RSF1: variants seen among roughly 807,000 people sequenced by gnomAD.
RSF1 encodes the protein HBV pX-associated protein 8.
RSF1 carries 13 observed loss-of-function variants against 145.2 expected under a neutral mutation model. The ratio of observed to expected loss-of-function variants is 0.09; its 90% CI spans 0.06 to 0.14. The LOEUF is 0.14. Among genes scored for constraint, RSF1 ranks in the 10% least tolerant of loss-of-function variants. RSF1 has a pLI of 1.00. For missense variants in RSF1, 1,517 were observed against 1,718.2 expected, an observed-to-expected ratio of 0.88 and a Z score of 2.07; for synonymous variants, 577 against 592.6, an observed-to-expected ratio of 0.97 and a Z score of 0.38.
chr11:77,681,988 T>C (rs974673139), intron 11 of RSF1, among the ~76,000 whole-genome samples: 1 of 152,216 alleles, frequency 6.6e-6, no homozygotes, highest in Non-Finnish European at 1.5e-5. Context: ...TCTAACCCCA[T>C]ATTTTCCATA....
intron 15 of RSF1, among the ~76,000 whole-genome samples, chr11:77,671,140 T>A (rs11237266): frequency 0.044 from 374 of 8,552 alleles, 20 homozygotes; most frequent in African/African-American, 0.097. Context: ...AAAAAAAAAA[T>A]ATATATATAT....
chr11:77,848,728 C>T, the RSF1 span, among the ~76,000 whole-genome samples: 31 of 152,306 alleles, frequency 2.0e-4, no homozygotes, highest in African/African-American at 7.5e-4. Flanking sequence ...GAGCTATAAA[C>T]GTGTGAAAGC....
chr11:77,749,504 C>T (rs2135921510), intron 2 of RSF1, among the ~76,000 whole-genome samples: 1 of 152,244 alleles, frequency 6.6e-6, no homozygotes, highest in Non-Finnish European at 1.5e-5. Context: ...TGAAAAACGA[C>T]ATAGCTCCAA....
the RSF1 span, chr11:77,869,098 C>T: frequency 3.6e-6 from 1 of 280,558 alleles, no homozygotes. Flanking sequence ...CTCATAGATT[C>T]ACATGTACCA....
intron 1 of RSF1, among the ~76,000 whole-genome samples, chr11:77,779,265 T>C (rs1350755428): frequency 2.0e-5 from 3 of 152,116 alleles, no homozygotes; most frequent in Non-Finnish European, 4.4e-5. Context: ...TGGAGTGAAG[T>C]GGTGTGATCA....
At chr11:77,773,035 C>G (rs1948304116) in intron 1 of RSF1, among the ~76,000 whole-genome samples, 1 of 151,966 alleles carries the variant, frequency 6.6e-6, no homozygotes, top group Admixed American at 6.5e-5. Flanking sequence ...TTGTTTCTGT[C>G]TATGCACCTT....
intron 2 of RSF1, among the ~76,000 whole-genome samples, chr11:77,752,076 T>C (rs1277141779): frequency 2.0e-5 from 3 of 152,104 alleles, no homozygotes; most frequent in South Asian, 2.1e-4. Flanking sequence ...ATACAGGAGA[T>C]AGAAAGAAAT....
chr11:77,799,504 C>CAAAA (rs34602419), intron 1 of RSF1, among the ~76,000 whole-genome samples: 3 of 82,288 alleles, frequency 3.6e-5, no homozygotes, highest in Non-Finnish European at 5.7e-5. Flanking sequence ...ACCCTGTCTC[C>CAAAA]AAAAAAAAAA....
At chr11:77,709,376 T>C (rs1268909172) in intron 5 of RSF1, among the ~76,000 whole-genome samples, 1 of 152,234 alleles carries the variant, frequency 6.6e-6, no homozygotes, top group African/African-American at 2.4e-5. Flanking sequence ...ACTGCTTTTG[T>C]TCACGGCTAC....
intron 5 of RSF1, among the ~76,000 whole-genome samples, chr11:77,711,870 C>CT (rs1372045951): frequency 6.6e-6 from 1 of 152,068 alleles, no homozygotes; most frequent in Admixed American, 6.5e-5. Context: ...TCAGTGTATT[C>CT]TTTTTTTCCT....
At chr11:77,869,753 A>G in the RSF1 span, 2 of 1,613,866 alleles carry the variant, frequency 1.2e-6, no homozygotes, top group African/African-American at 2.7e-5. Context: ...GCAGATGTGA[A>G]GGAAGTTGTT....
chr11:77,781,806 A>G (rs149910974), intron 1 of RSF1, among the ~76,000 whole-genome samples: 32 of 152,268 alleles, frequency 2.1e-4, no homozygotes, highest in African/African-American at 7.2e-4. Flanking sequence ...TGCATTGTAT[A>G]TGTTTTTTAA....
chr11:77,799,448 G>A (rs1032644959), intron 1 of RSF1, among the ~76,000 whole-genome samples: 1 of 148,560 alleles, frequency 6.7e-6, no homozygotes, highest in Non-Finnish European at 1.5e-5. Context: ...AGGCTGCAGT[G>A]AGCCATAATC....
the RSF1 span, among the ~76,000 whole-genome samples, chr11:77,858,244 G>C: frequency 6.8e-6 from 1 of 147,998 alleles, no homozygotes. Flanking sequence ...ACCCAGGCTG[G>C]AGTGCAGTTG....
At chr11:77,795,853 T>G (rs1948566819) in intron 1 of RSF1, among the ~76,000 whole-genome samples, 1 of 152,182 alleles carries the variant, frequency 6.6e-6, no homozygotes, top group Non-Finnish European at 1.5e-5. Context: ...GTCCTGGACT[T>G]TTTTTGGTTA....
chr11:77,692,790 G>A (rs990189636), intron 8 of RSF1, among the ~76,000 whole-genome samples: 1 of 151,448 alleles, frequency 6.6e-6, no homozygotes, highest in Non-Finnish European at 1.5e-5. Context: ...CGATTCTCCT[G>A]CCTCAGCCTC....
intron 8 of RSF1, among the ~76,000 whole-genome samples, 167 bp downstream of exon 8, chr11:77,693,340 A>T (rs1435066898): frequency 6.6e-6 from 1 of 152,240 alleles, no homozygotes; most frequent in Non-Finnish European, 1.5e-5. Context: ...GAAAAAAAAC[A>T]AAAAGGAAAA....
At chr11:77,859,612 C>T in the RSF1 span, among the ~76,000 whole-genome samples, 17 of 152,322 alleles carry the variant, frequency 1.1e-4, no homozygotes, top group Admixed American at 8.5e-4. Flanking sequence ...GGATTACTTT[C>T]AAGTATTCCA....
At chr11:77,749,607 T>C (rs1195233512) in intron 2 of RSF1, among the ~76,000 whole-genome samples, 1 of 152,124 alleles carries the variant, frequency 6.6e-6, no homozygotes, top group Non-Finnish European at 1.5e-5. Context: ...CATCTATGTG[T>C]AAAAGGGGAG....
Sources: gnomAD v4.1 joint callset for allele counts (sites outside exome capture counted in the v4.1 genomes callset) on GRCh38, gnomAD v4.1.1 for gene constraint, MANE v1.5 for transcripts, NCBI Gene and HGNC (gene_info 2026-07-23, HGNC 2026-07-21) for gene names.